Variants in CFDP1 observed in about 807,000 individuals in gnomAD.
The protein encoded by CFDP1 is heterochromatin-stabilizing protein CFDP1.
In CFDP1, 31 loss-of-function variants were observed where a neutral mutation model predicts 40.1. The ratio of observed to expected loss-of-function variants is 0.77; its 90% CI spans 0.58 to 1.04. The LOEUF is 1.04. CFDP1 is among the 50% of genes least tolerant of loss of function. CFDP1 has a pLI of 0.00. For synonymous variants in CFDP1, 167 were observed against 120.0 expected (o/e 1.39, Z -2.56); for missense variants, 423 against 343.4 (o/e 1.23, Z -1.83).
intron 5 of CFDP1, among the ~76,000 whole-genome samples, chr16:75,389,358 A>T (rs1252620073): frequency 1.3e-5 from 2 of 152,240 alleles, no homozygotes; most frequent in Non-Finnish European, 2.9e-5. Flanking sequence ...TAATTTTTGT[A>T]GTTTGATTCC....
At chr16:75,384,655 A>G (rs2078877695) in intron 5 of CFDP1, among the ~76,000 whole-genome samples, 1 of 152,054 alleles carries the variant, frequency 6.6e-6, no homozygotes, top group Non-Finnish European at 1.5e-5. Flanking sequence ...TGTAAGGATT[A>G]TCACAGATTA....
intron 1 of CFDP1, among the ~76,000 whole-genome samples, chr16:75,417,669 T>C (rs954177114): frequency 3.3e-5 from 5 of 152,134 alleles, no homozygotes; most frequent in African/African-American, 4.8e-5. Flanking sequence ...CTACAGAACT[T>C]TGAAAATCTC....
At chr16:75,322,641 T>G (rs1241116312) in intron 5 of CFDP1, among the ~76,000 whole-genome samples, 1 of 152,120 alleles carries the variant, frequency 6.6e-6, no homozygotes, top group Non-Finnish European at 1.5e-5. Context: ...CCCAAAAATC[T>G]GAAATCTAAA....
At chr16:75,433,059 AG>A (rs757694937) in intron 1 of CFDP1, among the ~76,000 whole-genome samples, 1 of 152,164 alleles carries the variant, frequency 6.6e-6, no homozygotes, top group Non-Finnish European at 1.5e-5. Flanking sequence ...GCGCTGCAAG[AG>A]GGGGCGGCGG....
chr16:75,337,262 G>T (rs1348649662), intron 5 of CFDP1, among the ~76,000 whole-genome samples: 6 of 152,176 alleles, frequency 3.9e-5, no homozygotes, highest in Non-Finnish European at 8.8e-5. Flanking sequence ...AGCGAGGCCC[G>T]GCACAAAGGT....
intron 5 of CFDP1, among the ~76,000 whole-genome samples, chr16:75,348,219 C>A (rs560075591): frequency 1.3e-5 from 2 of 152,292 alleles, no homozygotes; most frequent in South Asian, 4.1e-4. Flanking sequence ...CAACTTCAAA[C>A]TTCTGGCCTC....
chr16:75,349,294 C>T (rs2078591113), intron 5 of CFDP1, among the ~76,000 whole-genome samples: 2 of 151,796 alleles, frequency 1.3e-5, no homozygotes, highest in South Asian at 4.2e-4. Context: ...AGGTGGATTA[C>T]TTGAGGGCAG....
chr16:75,384,779 T>G (rs2078878616), intron 5 of CFDP1, among the ~76,000 whole-genome samples: 1 of 136,708 alleles, frequency 7.3e-6, no homozygotes, highest in Non-Finnish European at 1.6e-5. Flanking sequence ...AATACAGATG[T>G]TTATATTGAA....
chr16:75,352,007 C>CAAAAAAAAAA (rs3975153), intron 5 of CFDP1, among the ~76,000 whole-genome samples: 14 of 86,784 alleles, frequency 1.6e-4, no homozygotes, highest in South Asian at 4.0e-4. Flanking sequence ...GACTCTGTCT[C>CAAAAAAAAAA]AAAAAAAAAA....
chr16:75,414,695 C>A lies in CFDP1; in HGVS notation c.65G>T (p.Gly22Val). 6.3e-7 allele frequency: 1 copy of A among 1,580,750 alleles called. No homozygotes were observed. The highest frequency in any genetic ancestry group is 8.7e-7 in the Non-Finnish European group (1 of 1,149,954). The change falls in exon 2 of 7, where the codon GGT (glycine) becomes GTT (valine). Residue 22 changes from glycine to valine, a missense_variant and splice_region_variant. By Grantham distance (109) the Gly-to-Val change is moderately radical (BLOSUM62 -3). Transcript: ENST00000283882. ...SEEDEDYVPS[G>V]GEYSEDDVNE... ...TACATCATCTTCACTATACTCTCCA[C>A]CTGAAATCACATAACAGGGTGATCA...
intron 5 of CFDP1, among the ~76,000 whole-genome samples, chr16:75,377,138 T>G (rs1461147681): frequency 6.6e-6 from 1 of 152,250 alleles, no homozygotes; most frequent in Non-Finnish European, 1.5e-5. Flanking sequence ...GGCTTGGCTG[T>G]GCCCTGTATC....
At chr16:75,317,007 T>A (rs115230740) in intron 5 of CFDP1, among the ~76,000 whole-genome samples, 2,044 of 151,650 alleles carry the variant, frequency 0.013, 42 homozygotes, top group African/African-American at 0.044. Context: ...AATAAATAAA[T>A]AAAAATAAAA....
At chr16:75,394,913 A>G in intron 5 of CFDP1, 177 bp downstream of exon 5, 1 of 742,162 alleles carries the variant, frequency 1.3e-6, no homozygotes, top group Non-Finnish European at 2.0e-6. Context: ...CTCCTGAGAA[A>G]GTTATGGCTA....
At chr16:75,432,872 C>A (rs1040012386) in intron 1 of CFDP1, among the ~76,000 whole-genome samples, 5 of 151,422 alleles carry the variant, frequency 3.3e-5, no homozygotes, top group Non-Finnish European at 7.4e-5. Flanking sequence ...AACAACCAGG[C>A]GGAGAGCGGA....
chr16:75,303,705 T>C (rs1004953117), intron 6 of CFDP1, among the ~76,000 whole-genome samples: 5 of 152,202 alleles, frequency 3.3e-5, no homozygotes, highest in African/African-American at 1.2e-4. Context: ...CAAGCCTTTA[T>C]GTGACAGGTG....
intron 1 of CFDP1, among the ~76,000 whole-genome samples, chr16:75,420,111 CAAAA>C (rs10706144): frequency 1.6e-5 from 1 of 62,608 alleles, no homozygotes; most frequent in Admixed American, 2.1e-4. Context: ...ACCTTCATCT[CAAAA>C]AAAAAAAAAA....
intron 5 of CFDP1, among the ~76,000 whole-genome samples, chr16:75,318,881 T>A (rs1366425079): frequency 6.6e-6 from 1 of 152,182 alleles, no homozygotes; most frequent in African/African-American, 2.4e-5. Flanking sequence ...AGGGGTGTCC[T>A]CAGTCAAATC....
intron 5 of CFDP1, among the ~76,000 whole-genome samples, chr16:75,342,024 G>A (rs1212534899): frequency 6.6e-6 from 1 of 152,044 alleles, no homozygotes; most frequent in Non-Finnish European, 1.5e-5. Context: ...TATTTGTATA[G>A]TTCACACATT....
At position 75,323,779 on chromosome 16, in the gene CFDP1, C is replaced by CAA. The variant is rs5817940; in HGVS notation, c.651-18599_651-18598dup. Among the ~76,000 whole-genome samples, 1,284 of 136,044 alleles carry CAA rather than the reference C, an allele frequency of 9.4e-3. 10 individuals carry two copies. Among genetic ancestry groups the CAA allele is most frequent in the South Asian group, 0.016 (68 of 4,320 alleles). The allele number at this position is 136,044 out of a possible 152,430, so 89.3% of individuals were successfully genotyped here. ...GGGCAACAAGAGCGAAGCTCTGTCT[C>CAA]AAAAAAAAAAAAAAAAGTATACTAT... On this transcript the variant is annotated intron_variant, in intron 5 of 6. Transcript: ENST00000283882.
Sources: allele counts gnomAD v4.1 joint callset (sites outside exome capture counted in the v4.1 genomes callset), GRCh38; gene constraint gnomAD v4.1.1; transcripts MANE v1.5; gene names NCBI Gene and HGNC (gene_info 2026-07-23, HGNC 2026-07-21).